WARS2: variants seen among roughly 807,000 people sequenced by gnomAD.
WARS2 encodes tryptophan--tRNA ligase, mitochondrial.
A neutral mutation model predicts 36.5 loss-of-function variants in WARS2; 28 were observed. The observed-to-expected ratio is 0.77, with a 90% confidence interval of 0.57 to 1.05. The LOEUF is 1.05. Ranked by LOEUF, WARS2 falls within the 50% of genes least tolerant of loss-of-function variation. The pLI is 0.00. For missense variants in WARS2, 435 were observed against 456.8 expected (o/e 0.95, Z 0.44); for synonymous variants, 174 against 178.4 (o/e 0.98, Z 0.20).
At chr1:119,132,110 A>G (rs761658304) in intron 1 of WARS2, among the ~76,000 whole-genome samples, 28 of 152,300 alleles carry the variant, frequency 1.8e-4, no homozygotes, top group Middle Eastern at 3.4e-3. Context: ...TGTGAGGAGT[A>G]TTATTAACAT....
At chr1:119,101,736 A>C (rs1022152808) in intron 1 of WARS2, among the ~76,000 whole-genome samples, 1 of 152,162 alleles carries the variant, frequency 6.6e-6, no homozygotes, top group Non-Finnish European at 1.5e-5. Flanking sequence ...AACTATCTCA[A>C]AGTTACTGGA....
chr1:119,061,625 A>G (rs993616079), intron 2 of WARS2, among the ~76,000 whole-genome samples: 10 of 152,170 alleles, frequency 6.6e-5, no homozygotes, highest in Admixed American at 5.9e-4. Flanking sequence ...CTAATTCCTC[A>G]TAGTTATTTT....
At chr1:119,104,759 A>G (rs2101472876) in intron 1 of WARS2, among the ~76,000 whole-genome samples, 1 of 141,068 alleles carries the variant, frequency 7.1e-6, no homozygotes, top group African/African-American at 2.4e-5. Flanking sequence ...AATTGTAAGA[A>G]GAGGCCAAAA....
At chr1:119,043,686 G>A (rs909314375) in intron 3 of WARS2, among the ~76,000 whole-genome samples, 5 of 152,174 alleles carry the variant, frequency 3.3e-5, no homozygotes, top group Admixed American at 6.5e-5. Flanking sequence ...ATTTGGAAAC[G>A]TGCAAATTGA....
intron 2 of WARS2, among the ~76,000 whole-genome samples, chr1:119,055,428 C>T (rs956266660): frequency 3.3e-5 from 5 of 152,058 alleles, no homozygotes; most frequent in African/African-American, 1.2e-4. Context: ...GCCTGGCCAA[C>T]ATGGCAAAAC....
chr1:119,097,677 C>T (rs1653536973), intron 1 of WARS2, among the ~76,000 whole-genome samples: 1 of 152,208 alleles, frequency 6.6e-6, no homozygotes, highest in African/African-American at 2.4e-5. Flanking sequence ...ACTTACTTTT[C>T]CTACATGTCC....
At chr1:119,062,777 T>G (rs968601240) in intron 2 of WARS2, 1 of 160,422 alleles carries the variant, frequency 6.2e-6, no homozygotes, top group African/African-American at 2.4e-5. Context: ...AGAAGTGACT[T>G]CTGCCTCCTG....
At chr1:119,089,943 T>TG (rs904356239) in intron 1 of WARS2, among the ~76,000 whole-genome samples, 2 of 152,062 alleles carry the variant, frequency 1.3e-5, no homozygotes, top group African/African-American at 4.8e-5. Context: ...CATGGACACA[T>TG]GGTGGGGAAC....
chr1:119,092,193 A>G (rs1265400194), intron 1 of WARS2, among the ~76,000 whole-genome samples: 1 of 152,198 alleles, frequency 6.6e-6, no homozygotes, highest in South Asian at 2.1e-4. Context: ...TGACCAAAAC[A>G]TTCACAAAGT....
At chr1:119,079,618 T>C in intron 1 of WARS2, among the ~76,000 whole-genome samples, 1 of 152,202 alleles carries the variant, frequency 6.6e-6, no homozygotes, top group East Asian at 1.9e-4. Flanking sequence ...AGAGCTAATC[T>C]ACTTTTGATA....
intron 2 of WARS2, among the ~76,000 whole-genome samples, chr1:119,046,060 C>T (rs533843133): frequency 4.7e-4 from 72 of 152,146 alleles, no homozygotes; most frequent in African/African-American, 1.6e-3. Context: ...CACACTGGTT[C>T]CAAGCCTCTC....
intron 2 of WARS2, among the ~76,000 whole-genome samples, chr1:119,062,406 C>T (rs1427921827): frequency 1.3e-5 from 2 of 151,966 alleles, no homozygotes; most frequent in Non-Finnish European, 2.9e-5. Flanking sequence ...ACAGTGGTTT[C>T]CAAAATGAGA....
chr1:119,085,528 G>A lies in WARS2; in HGVS notation c.91-8921C>T. 2.5e-6 allele frequency: 4 copies of A among 1,606,666 alleles called. No individual in the cohort carries two copies. In the South Asian group the frequency reaches 4.5e-5, roughly 18 times the overall value. ...TCTTCAGAGCTCTCAGACAAACTTG[G>A]TGAGGGGGTACGAGCCCCACAGCCC... On this transcript the variant is annotated intron_variant, in intron 1 of 5. Coordinates refer to ENST00000235521, the MANE Select transcript of WARS2 (RefSeq NM_015836.4).
chr1:119,102,044 T>A, intron 1 of WARS2, among the ~76,000 whole-genome samples: 1 of 117,488 alleles, frequency 8.5e-6, no homozygotes, highest in East Asian at 2.6e-4. Context: ...CAGGCCCTTG[T>A]TGGAAGCGGT....
intron 1 of WARS2, among the ~76,000 whole-genome samples, chr1:119,135,724 A>AGAT (rs1479723777): frequency 3.8e-5 from 4 of 106,106 alleles, no homozygotes; most frequent in African/African-American, 1.2e-4. Context: ...ACAGATAGAT[A>AGAT]GATAGATAGA....
rs554223942 is a variant in WARS2 at position 119,064,069 on chromosome 1, C to T, written c.348+12281G>A. 8.5e-5 allele frequency: 13 copies of T among 152,228 alleles called. 1 individual carries two copies. Among genetic ancestry groups the T allele is most frequent in the Admixed American group, 4.6e-4 (7 of 15,284 alleles). 9.4% of individuals were successfully genotyped at this position (152,228 alleles called of 1,614,324 possible). On this transcript the variant is annotated intron_variant, in intron 2 of 5. Transcript: ENST00000235521. ...AAAGCAGCCAGGAGGGAGGCTGTAC[C>T]CTGCAAAGCCACAGGAGTGGAGCTG...
At chr1:119,112,213 C>T (rs587631398) in intron 1 of WARS2, among the ~76,000 whole-genome samples, 4 of 152,266 alleles carry the variant, frequency 2.6e-5, no homozygotes, top group Admixed American at 1.3e-4. Context: ...TGAGCCACCA[C>T]GTCTAGCCTG....
chr1:119,046,273 T>A (rs1341436232), intron 2 of WARS2, among the ~76,000 whole-genome samples: 1 of 127,220 alleles, frequency 7.9e-6, no homozygotes, highest in African/African-American at 3.1e-5. Flanking sequence ...CATCTTCCTC[T>A]CCTCCTTTTC....
rs1647688296 is a variant in WARS2, at chr1:119,034,229, G to A, written c.516-16C>T. ...GTGTGTGGACCTTTAATAAAAGACA[G>A]ACAGAAAAACAACAGCAAGGCTCTT... On this transcript the variant is annotated splice_polypyrimidine_tract_variant and intron_variant, in intron 4 of 5. Transcript: ENST00000235521. 1.2e-6 allele frequency: 2 copies of A among 1,602,822 alleles called. No individual in the cohort carries two copies. Among genetic ancestry groups the A allele is most frequent in the East Asian group, 4.5e-5 (2 of 44,788 alleles).
Sources: gnomAD v4.1 joint callset for allele counts (sites outside exome capture counted in the v4.1 genomes callset) on GRCh38, gnomAD v4.1.1 for gene constraint, MANE v1.5 for transcripts, NCBI Gene and HGNC (gene_info 2026-07-23, HGNC 2026-07-21) for gene names.